The following SEM1 variants were observed in gnomAD, a reference collection of about 807,000 sequenced individuals.
SEM1 encodes the protein SEM1 26S proteasome subunit.
Under a neutral mutation model 12.7 loss-of-function variants are expected in SEM1, and 3 were observed. That is an observed-to-expected ratio of 0.24 (90% CI 0.11 to 0.61). SEM1 has a LOEUF of 0.61. Among genes scored for constraint, SEM1 ranks in the 20% least tolerant of loss-of-function variants. The pLI is 0.88. For missense variants in SEM1, 59 were observed against 81.3 expected (o/e 0.73, Z 1.06); for synonymous variants, 30 against 27.8 (o/e 1.08, Z -0.25).
At chr7:96,578,188 A>C (rs1447070867) in intron 2 of SEM1, among the ~76,000 whole-genome samples, 2 of 151,018 alleles carry the variant, frequency 1.3e-5, no homozygotes, top group African/African-American at 5.0e-5. Context: ...GAATTGGGGA[A>C]AGACACAATT....
chr7:96,585,942 C>T (rs968010463), intron 2 of SEM1, among the ~76,000 whole-genome samples: 1 of 152,198 alleles, frequency 6.6e-6, no homozygotes, highest in Admixed American at 6.5e-5. Flanking sequence ...ATCACTCATG[C>T]TGGGAGCTGT....
downstream of SEM1, among the ~76,000 whole-genome samples, chr7:96,618,700 T>A (rs1251147922): frequency 6.6e-6 from 1 of 152,164 alleles, no homozygotes; most frequent in African/African-American, 2.4e-5. Flanking sequence ...TATTTTGTAT[T>A]TCCTTCAATT....
chr7:96,499,435 A>C (rs1584711940), upstream of SEM1, among the ~76,000 whole-genome samples: 1 of 152,316 alleles, frequency 6.6e-6, no homozygotes, highest in Non-Finnish European at 1.5e-5. Context: ...ACAGAAAGTG[A>C]GTAGCCCTGT....
In SEM1 at chr7:96,630,300, G is replaced by A. The variant is rs989687713; in HGVS notation, c.171-7657C>T. The stretch of plus-strand genomic sequence containing the variant: ...AAAAGCAAAAACCTTAGAATTCTAC[G>A]TGGTATTCTAGTGTGCTGCGGCTGA... On this transcript the variant is annotated intron_variant, in intron 2 of 2. Coordinates refer to the SEM1 transcript ENST00000417009. Among the ~76,000 whole-genome samples, 7 of 152,104 alleles carry A rather than the reference G, an allele frequency of 4.6e-5. No individual in the cohort carries two copies. In the East Asian group the frequency reaches 5.8e-4, roughly 13 times the overall value.
At chr7:96,532,717 A>C (rs1804677395) in intron 2 of SEM1, among the ~76,000 whole-genome samples, 1 of 152,128 alleles carries the variant, frequency 6.6e-6, no homozygotes. Context: ...CCCACTGAAG[A>C]GCTAAATGAA....
intron 2 of SEM1, among the ~76,000 whole-genome samples, chr7:96,631,259 C>T (rs532290906): frequency 6.6e-6 from 1 of 152,266 alleles, no homozygotes; most frequent in East Asian, 1.9e-4. Context: ...CACTGTAGCC[C>T]ATGGTGGCAA....
intron 2 of SEM1, among the ~76,000 whole-genome samples, chr7:96,575,436 C>T (rs1000199100): frequency 1.3e-5 from 2 of 152,170 alleles, no homozygotes; most frequent in Non-Finnish European, 2.9e-5. Context: ...AGACAGGAGG[C>T]ATGGGGGTCA....
At chr7:96,548,411 GC>G (rs1370548882) in intron 2 of SEM1, among the ~76,000 whole-genome samples, 1 of 152,096 alleles carries the variant, frequency 6.6e-6, no homozygotes, top group Non-Finnish European at 1.5e-5. Context: ...CACATCATCT[GC>G]AAGCCTGTTA....
At chr7:96,628,391 A>AT (rs1028270549) in intron 2 of SEM1, among the ~76,000 whole-genome samples, 2 of 151,488 alleles carry the variant, frequency 1.3e-5, no homozygotes, top group Admixed American at 6.6e-5. Flanking sequence ...CTTGCTTTTT[A>AT]TTTTTTTGTA....
upstream of SEM1, among the ~76,000 whole-genome samples, chr7:96,499,409 GA>G (rs149063518): frequency 0.032 from 4,940 of 152,180 alleles, 266 homozygotes; most frequent in African/African-American, 0.11. Flanking sequence ...CCCTTTATAA[GA>G]GCTACTTTTC....
intron 2 of SEM1, among the ~76,000 whole-genome samples, chr7:96,555,448 C>T (rs369344426): frequency 3.5e-5 from 5 of 143,056 alleles, no homozygotes; most frequent in South Asian, 2.4e-4. Context: ...TCGTTATGTA[C>T]CCAGTAGTCA....
At chr7:96,578,136 A>G (rs190280209) in intron 2 of SEM1, among the ~76,000 whole-genome samples, 65 of 152,258 alleles carry the variant, frequency 4.3e-4, no homozygotes, top group African/African-American at 1.5e-3. Flanking sequence ...ATGGAGGCTA[A>G]GTCTAACAAA....
downstream of SEM1, among the ~76,000 whole-genome samples, chr7:96,684,046 G>A (rs1789693692): frequency 6.6e-6 from 1 of 151,848 alleles, no homozygotes; most frequent in Admixed American, 6.6e-5. Context: ...TAAAAATAAG[G>A]ACGTTTGTAG....
exon 4 of SEM1, chr7:96,483,845 C>T: frequency 6.5e-7 from 1 of 1,536,522 alleles, no homozygotes; most frequent in Non-Finnish European, 8.7e-7. Context: ...TCCATCTCTG[C>T]TATTGATATG....
intron 2 of SEM1, among the ~76,000 whole-genome samples, chr7:96,659,861 A>C (rs1299196533): frequency 6.6e-6 from 1 of 151,396 alleles, no homozygotes; most frequent in Non-Finnish European, 1.5e-5. Context: ...AAGATGATAC[A>C]TAGAAGAATC....
intron 2 of SEM1, among the ~76,000 whole-genome samples, chr7:96,565,350 T>C (rs139895269): frequency 6.6e-6 from 1 of 151,838 alleles, no homozygotes; most frequent in Non-Finnish European, 1.5e-5. Flanking sequence ...TACTTGTAGG[T>C]TGGAAGATTA....
chr7:96,588,353 AACACACACACACACAC>A (rs56655484), intron 2 of SEM1, among the ~76,000 whole-genome samples: 31,513 of 140,664 alleles, frequency 0.22, 4,166 homozygotes, highest in Middle Eastern at 0.32. Context: ...TCTAAAAACA[AACACACACACACACAC>A]ACACACACAC....
intron 2 of SEM1, among the ~76,000 whole-genome samples, chr7:96,588,063 A>T (rs1317942881): frequency 6.6e-6 from 1 of 152,158 alleles, no homozygotes; most frequent in Non-Finnish European, 1.5e-5. Context: ...CTTACACCTC[A>T]TCAAGCCAAC....
intron 2 of SEM1, among the ~76,000 whole-genome samples, chr7:96,633,030 CA>C (rs1289283748): frequency 1.3e-5 from 2 of 151,898 alleles, no homozygotes; most frequent in South Asian, 4.2e-4. Flanking sequence ...GTGCTTGGTT[CA>C]ATGCTGAGTG....
Sources: gnomAD v4.1 joint callset for allele counts (sites outside exome capture counted in the v4.1 genomes callset) on GRCh38, gnomAD v4.1.1 for gene constraint, MANE v1.5 for transcripts, NCBI Gene and HGNC (gene_info 2026-07-23, HGNC 2026-07-21) for gene names.